Variants in CELF4 observed in about 807,000 individuals in gnomAD.
CELF4 encodes the protein CUGBP Elav-like family member 4, also known as CUG-BP- and ETR-3-like factor 4.
A neutral mutation model predicts 59.9 loss-of-function variants in CELF4; 18 were observed. The observed-to-expected ratio is 0.30, with a 90% CI of 0.21 to 0.45. The LOEUF is 0.45. Ranked by LOEUF, CELF4 falls within the 20% of genes least tolerant of loss-of-function variation. CELF4 has a pLI of 1.00. For synonymous variants in CELF4, 261 were observed against 267.1 expected, an observed-to-expected ratio of 0.98 and a Z score of 0.22; for missense variants, 456 against 689.0, an observed-to-expected ratio of 0.66 and a Z score of 3.79.
chr18:37,397,321 A>G (rs2099257447), intron 2 of CELF4, among the ~76,000 whole-genome samples: 1 of 152,128 alleles, frequency 6.6e-6, no homozygotes, highest in Non-Finnish European at 1.5e-5. Context: ...GAGATTTGCC[A>G]GGCCCTGTGG....
At chr18:37,464,694 G>A (rs532104486) in intron 2 of CELF4, among the ~76,000 whole-genome samples, 1 of 152,194 alleles carries the variant, frequency 6.6e-6, no homozygotes, top group African/African-American at 2.4e-5. Flanking sequence ...GAGCAGCCCT[G>A]CCAGGGGAGG....
intron 3 of CELF4, among the ~76,000 whole-genome samples, chr18:37,314,531 T>C (rs1006384700): frequency 6.6e-6 from 1 of 152,096 alleles, no homozygotes; most frequent in Admixed American, 6.5e-5. Context: ...CAGGTCCAGA[T>C]ACAGAGGCCA....
intron 2 of CELF4, among the ~76,000 whole-genome samples, chr18:37,473,054 C>A (rs1417822766): frequency 6.6e-6 from 1 of 152,116 alleles, no homozygotes; most frequent in African/African-American, 2.4e-5. Context: ...CCTTGTGGGA[C>A]AGCCCAGGCC....
intron 2 of CELF4, among the ~76,000 whole-genome samples, chr18:37,373,634 G>A (rs1167004682): frequency 2.6e-5 from 4 of 152,090 alleles, no homozygotes; most frequent in African/African-American, 7.2e-5. Context: ...AGGGAGGGTC[G>A]GTAATGTGCC....
At chr18:37,433,098 G>T (rs1048730306) in intron 2 of CELF4, among the ~76,000 whole-genome samples, 15 of 152,158 alleles carry the variant, frequency 9.9e-5, no homozygotes, top group Non-Finnish European at 2.2e-4. Context: ...AGTGTGGCTA[G>T]GATGTGCCCA....
intron 1 of CELF4, among the ~76,000 whole-genome samples, chr18:37,564,079 C>T (rs1439767244): frequency 6.6e-6 from 1 of 152,130 alleles, no homozygotes; most frequent in Non-Finnish European, 1.5e-5. Flanking sequence ...CGTGTGTTTT[C>T]ATCTTTAAAA....
At chr18:37,465,528 G>A (rs1443913786) in intron 2 of CELF4, among the ~76,000 whole-genome samples, 1 of 152,156 alleles carries the variant, frequency 6.6e-6, no homozygotes, top group Non-Finnish European at 1.5e-5. Flanking sequence ...TCAGAGAGCT[G>A]AGGTTTGTCT....
At chr18:37,438,002 T>C (rs2099698727) in intron 2 of CELF4, among the ~76,000 whole-genome samples, 1 of 152,110 alleles carries the variant, frequency 6.6e-6, no homozygotes, top group Non-Finnish European at 1.5e-5. Flanking sequence ...CAGAGCTCAG[T>C]CTCCCTCCAA....
chr18:37,560,937 A>C (rs1316468718), intron 1 of CELF4, among the ~76,000 whole-genome samples: 3 of 152,244 alleles, frequency 2.0e-5, no homozygotes, highest in Non-Finnish European at 4.4e-5. Flanking sequence ...AATCAGCAAA[A>C]CATATTCATA....
At chr18:37,269,062 G>C (rs752670986) in intron 8 of CELF4, among the ~76,000 whole-genome samples, 1 of 152,114 alleles carries the variant, frequency 6.6e-6, no homozygotes, top group African/African-American at 2.4e-5. Flanking sequence ...ATGGGCTTGT[G>C]GGCAGGAAGG....
intron 2 of CELF4, among the ~76,000 whole-genome samples, chr18:37,352,871 G>C (rs1300907297): frequency 1.3e-5 from 2 of 152,094 alleles, no homozygotes; most frequent in East Asian, 3.9e-4. Context: ...AGAGTGGGAC[G>C]GGGTGGAACA....
intron 2 of CELF4, among the ~76,000 whole-genome samples, chr18:37,438,053 A>T (rs1252264153): frequency 6.6e-6 from 1 of 152,214 alleles, no homozygotes; most frequent in Non-Finnish European, 1.5e-5. Flanking sequence ...CTGCAAGCCC[A>T]GAAAAGAGCC....
At chr18:37,247,060 C>T (rs999391687) in intron 12 of CELF4, 1 of 152,122 alleles carries the variant, frequency 6.6e-6, no homozygotes, top group Non-Finnish European at 1.5e-5. Flanking sequence ...ATACAACATC[C>T]AAGAAAAACG....
chr18:37,274,687 GA>G, intron 5 of CELF4, 117 bp downstream of exon 5: 1 of 1,492,334 alleles, frequency 6.7e-7, no homozygotes, highest in South Asian at 1.3e-5. Context: ...CTGAGGCCCG[GA>G]ATAAGGGTCA....
At chr18:37,360,105 G>A (rs1318973577) in intron 2 of CELF4, among the ~76,000 whole-genome samples, 6 of 151,824 alleles carry the variant, frequency 4.0e-5, no homozygotes, top group Non-Finnish European at 5.9e-5. Flanking sequence ...CACCCGCCTC[G>A]GCCTCCCAAA....
intron 2 of CELF4, among the ~76,000 whole-genome samples, chr18:37,457,142 G>A (rs2099780589): frequency 6.6e-6 from 1 of 152,154 alleles, no homozygotes; most frequent in Non-Finnish European, 1.5e-5. Context: ...CTAAAGAGCA[G>A]GAGGGCCTCT....
chr18:37,422,092 A>G (rs1267125348), intron 2 of CELF4, among the ~76,000 whole-genome samples: 1 of 152,154 alleles, frequency 6.6e-6, no homozygotes, highest in African/African-American at 2.4e-5. Flanking sequence ...AAATTATAAC[A>G]CTGGCTAGAC....
intron 2 of CELF4, among the ~76,000 whole-genome samples, chr18:37,447,464 C>G (rs2099751229): frequency 1.3e-5 from 2 of 152,204 alleles, no homozygotes; most frequent in African/African-American, 2.4e-5. Flanking sequence ...CCCCGTGCTC[C>G]TTTACCACCC....
chr18:37,378,315 C>T lies in CELF4; in HGVS notation c.370-56434G>A, dbSNP rs147376984. Among the ~76,000 whole-genome samples, 152 of 152,208 alleles carry T rather than the reference C, an allele frequency of 1.0e-3. 1 individual carries two copies. Among genetic ancestry groups the T allele is most frequent in the African/African-American group, 3.5e-3 (145 of 41,540 alleles). On this transcript the variant is annotated intron_variant, in intron 2 of 12. Coordinates refer to ENST00000420428, the MANE Select transcript of CELF4 (RefSeq NM_020180.4). ...GTGGGGTATGGCCCGACAGTGGCTCCGCAGGGCTGGGCCACCCCCACAGAA... is the reference window on the plus strand; with the variant it reads ...GTGGGGTATGGCCCGACAGTGGCTCTGCAGGGCTGGGCCACCCCCACAGAA...
Sources: gnomAD v4.1 joint callset for allele counts (sites outside exome capture counted in the v4.1 genomes callset) on GRCh38, gnomAD v4.1.1 for gene constraint, MANE v1.5 for transcripts, NCBI Gene and HGNC (gene_info 2026-07-23, HGNC 2026-07-21) for gene names.